The following TMEM132D variants were observed in gnomAD, a reference collection of about 807,000 sequenced individuals.
TMEM132D encodes the protein transmembrane protein 132D.
A neutral mutation model predicts 62.3 loss-of-function variants in TMEM132D; 21 were observed. The ratio of observed to expected loss-of-function variants is 0.34; its 90% CI spans 0.24 to 0.49. The LOEUF (loss-of-function observed/expected upper bound fraction) is 0.49, where lower values mean the gene tolerates loss of function less well. Among genes scored for constraint, TMEM132D ranks in the 20% least tolerant of loss-of-function variants. The pLI is 0.99. For synonymous variants in TMEM132D, 621 were observed against 575.6 expected, an observed-to-expected ratio of 1.08 and a Z score of -1.13; for missense variants, 1,346 against 1,402.8, an observed-to-expected ratio of 0.96 and a Z score of 0.65.
At chr12:129,108,960 A>T (rs908082464) in intron 5 of TMEM132D, among the ~76,000 whole-genome samples, 1 of 152,208 alleles carries the variant, frequency 6.6e-6, no homozygotes, top group Non-Finnish European at 1.5e-5. Flanking sequence ...AGTTGCAAAC[A>T]TCTGTTTACC....
At chr12:129,259,223 CAGG>C (rs1405727043) in intron 4 of TMEM132D, among the ~76,000 whole-genome samples, 1 of 152,172 alleles carries the variant, frequency 6.6e-6, no homozygotes, top group Non-Finnish European at 1.5e-5. Flanking sequence ...ACACTCACTG[CAGG>C]AGGATCTAGG....
intron 5 of TMEM132D, among the ~76,000 whole-genome samples, chr12:129,134,488 A>G (rs1431368929): frequency 6.6e-6 from 1 of 152,098 alleles, no homozygotes; most frequent in Non-Finnish European, 1.5e-5. Context: ...AGTTTTATTC[A>G]TTGACCTCGA....
chr12:129,333,505 T>G (rs1299273466), intron 4 of TMEM132D, among the ~76,000 whole-genome samples: 1 of 152,230 alleles, frequency 6.6e-6, no homozygotes, highest in Admixed American at 6.5e-5. Flanking sequence ...AGGATGCATC[T>G]TTTATTCCTG....
chr12:129,855,118 G>GGGTGCCCTTATAACAGAGTCCA (rs1566009819), intron 1 of TMEM132D, among the ~76,000 whole-genome samples: 1 of 129,458 alleles, frequency 7.7e-6, no homozygotes, highest in Non-Finnish European at 1.7e-5. Flanking sequence ...GGAACGGGAT[G>GGGTGCCCTTATAACAGAGTCCA]GCTGCCCTTG....
At chr12:129,096,204 GA>G (rs1875110089) in intron 5 of TMEM132D, among the ~76,000 whole-genome samples, 2 of 152,198 alleles carry the variant, frequency 1.3e-5, no homozygotes, top group African/African-American at 4.8e-5. Context: ...GAGATTAGGT[GA>G]CTTATTAAAG....
intron 5 of TMEM132D, among the ~76,000 whole-genome samples, chr12:129,199,672 G>A (rs1001436431): frequency 6.6e-6 from 1 of 152,156 alleles, no homozygotes; most frequent in South Asian, 2.1e-4. Flanking sequence ...TGGCTGGGAG[G>A]TCTCACAATC....
chr12:129,161,947 C>G (rs549190101), intron 5 of TMEM132D, among the ~76,000 whole-genome samples: 2 of 152,256 alleles, frequency 1.3e-5, no homozygotes, highest in African/African-American at 4.8e-5. Flanking sequence ...CAGGTCTGTG[C>G]TTGCAGACCT....
At chr12:129,680,085 C>G (rs1044100478) in intron 2 of TMEM132D, among the ~76,000 whole-genome samples, 2 of 152,182 alleles carry the variant, frequency 1.3e-5, no homozygotes, top group Non-Finnish European at 2.9e-5. Context: ...GCTATTCTCC[C>G]TTTCTGTAAT....
In TMEM132D at chr12:129,223,408, G is replaced by A. The variant is rs142214564; in HGVS notation, c.1300-13745C>T. Among the ~76,000 whole-genome samples the A allele has an allele frequency of 2.6e-5, 4 of 152,264 alleles. No homozygotes were observed. The East Asian group carries it at 7.8e-4, about 30-fold the overall frequency. The stretch of plus-strand genomic sequence containing the variant: ...TGGAGAGGCCACATGCAGGTGATCT[G>A]GTCAATAGCCCAGACTGTAATCGGT... On this transcript the variant is annotated intron_variant, in intron 4 of 8. Transcript: ENST00000422113.
At chr12:129,453,338 G>C (rs142164194) in intron 3 of TMEM132D, among the ~76,000 whole-genome samples, 2 of 152,108 alleles carry the variant, frequency 1.3e-5, no homozygotes, top group Non-Finnish European at 2.9e-5. Context: ...TTTGCGCAAG[G>C]TGTCTCTTTG....
At chr12:129,336,247 G>C (rs990596666) in intron 4 of TMEM132D, among the ~76,000 whole-genome samples, 1 of 152,166 alleles carries the variant, frequency 6.6e-6, no homozygotes, top group African/African-American at 2.4e-5. Flanking sequence ...TCTCCACTGA[G>C]ATTTTTGTTT....
At chr12:129,818,183 TG>T in intron 1 of TMEM132D, among the ~76,000 whole-genome samples, 1 of 146,530 alleles carries the variant, frequency 6.8e-6, no homozygotes, top group Non-Finnish European at 1.5e-5. Flanking sequence ...TATGTGTGTG[TG>T]GTGTGGGGGC....
intron 3 of TMEM132D, among the ~76,000 whole-genome samples, chr12:129,471,336 A>G (rs1467683741): frequency 6.6e-6 from 1 of 151,802 alleles, no homozygotes; most frequent in Admixed American, 6.6e-5. Context: ...TTCATGCAAT[A>G]TTTTAAGTTA....
intron 3 of TMEM132D, among the ~76,000 whole-genome samples, chr12:129,419,007 G>A (rs1435347353): frequency 6.6e-6 from 1 of 152,160 alleles, no homozygotes; most frequent in Non-Finnish European, 1.5e-5. Flanking sequence ...AACCTCCCAA[G>A]AGCCTTCCAC....
chr12:129,690,883 C>G (rs1197040108), intron 2 of TMEM132D, among the ~76,000 whole-genome samples: 1 of 152,010 alleles, frequency 6.6e-6, no homozygotes, highest in Non-Finnish European at 1.5e-5. Flanking sequence ...CCAAAAGAAG[C>G]AGAATACACT....
intron 4 of TMEM132D, among the ~76,000 whole-genome samples, chr12:129,295,762 T>C (rs1231672633): frequency 6.6e-6 from 1 of 152,214 alleles, no homozygotes; most frequent in Non-Finnish European, 1.5e-5. Context: ...TATTTGCATA[T>C]AACCTTTGTA....
At chr12:129,817,864 G>T (rs1195194238) in intron 1 of TMEM132D, among the ~76,000 whole-genome samples, 1 of 148,826 alleles carries the variant, frequency 6.7e-6, no homozygotes, top group Non-Finnish European at 1.5e-5. Context: ...GTGGTGTGAG[G>T]TGTATGTGTG....
chr12:129,214,115 C>G (rs1171864188), intron 4 of TMEM132D, among the ~76,000 whole-genome samples: 1 of 152,118 alleles, frequency 6.6e-6, no homozygotes, highest in African/African-American at 2.4e-5. Flanking sequence ...AGGAAGCTCC[C>G]GATGGATGGT....
chr12:129,397,659 T>C (rs1194492119), intron 3 of TMEM132D, among the ~76,000 whole-genome samples: 2 of 152,342 alleles, frequency 1.3e-5, no homozygotes, highest in African/African-American at 2.4e-5. Flanking sequence ...GTGTCTAACA[T>C]AATCAGTGAT....
Sources: gnomAD v4.1 joint callset for allele counts (sites outside exome capture counted in the v4.1 genomes callset) on GRCh38, gnomAD v4.1.1 for gene constraint, MANE v1.5 for transcripts, NCBI Gene and HGNC (gene_info 2026-07-23, HGNC 2026-07-21) for gene names.